Variants in PTPRN2 observed in about 807,000 individuals in gnomAD.
The protein encoded by PTPRN2 is receptor-type tyrosine-protein phosphatase N2.
In PTPRN2, 74 loss-of-function variants were observed where a neutral mutation model predicts 118.8. The observed-to-expected ratio is 0.62, with a 90% CI of 0.52 to 0.76. The LOEUF (loss-of-function observed/expected upper bound fraction) is 0.76. PTPRN2 is among the 30% of genes least tolerant of loss of function. The pLI is 0.00. For synonymous variants in PTPRN2, 641 were observed against 608.0 expected (o/e 1.05, Z -0.80); for missense variants, 1,481 against 1,394.4 (o/e 1.06, Z -0.99).
At chr7:157,851,237 G>T (rs1420321225) in intron 12 of PTPRN2, among the ~76,000 whole-genome samples, 1 of 152,224 alleles carries the variant, frequency 6.6e-6, no homozygotes, top group Non-Finnish European at 1.5e-5. Flanking sequence ...TAGAGTGGCG[G>T]TTAATGCTTA....
chr7:157,817,465 GT>G (rs1178742296), intron 12 of PTPRN2, among the ~76,000 whole-genome samples: 1 of 152,140 alleles, frequency 6.6e-6, no homozygotes, highest in Non-Finnish European at 1.5e-5. Flanking sequence ...CAGGCAGATG[GT>G]GCCACTGCCG....
rs28707739 is a variant in PTPRN2 at position 158,398,364 on chromosome 7, G to A, written c.164-81432C>T. The stretch of plus-strand genomic sequence containing the variant: ...TGCTGGCCTTGCCACAGGCAATGCC[G>A]AGGGCAGCTGCCTCATCCTCCCCCA... On this transcript the variant is annotated intron_variant, in intron 2 of 22. Coordinates refer to ENST00000389418, the MANE Select transcript of PTPRN2 (RefSeq NM_002847.5). Among the ~76,000 whole-genome samples the A allele has an allele frequency of 5.9e-3, 904 of 152,282 alleles. 5 individuals carry two copies. Among genetic ancestry groups the A allele is most frequent in the African/African-American group, 0.017 (695 of 41,548 alleles).
intron 21 of PTPRN2, among the ~76,000 whole-genome samples, chr7:157,558,178 CG>C (rs1799004687): frequency 6.6e-6 from 1 of 152,012 alleles, no homozygotes; most frequent in African/African-American, 2.4e-5. Context: ...TGGTGCGACG[CG>C]GTGCCCACCG....
At chr7:158,339,930 A>T (rs372436076) in intron 2 of PTPRN2, among the ~76,000 whole-genome samples, 2,165 of 101,416 alleles carry the variant, frequency 0.021, no homozygotes, top group African/African-American at 0.087. Flanking sequence ...CACTCTCACC[A>T]TAAGAGCTGT....
chr7:157,720,908 T>C (rs1799197423), intron 12 of PTPRN2, among the ~76,000 whole-genome samples: 1 of 152,108 alleles, frequency 6.6e-6, no homozygotes, highest in Non-Finnish European at 1.5e-5. Flanking sequence ...GTTTCTTAAG[T>C]GTGACAAGGT....
intron 2 of PTPRN2, among the ~76,000 whole-genome samples, chr7:158,431,915 C>G (rs1173036159): frequency 6.6e-6 from 1 of 152,276 alleles, no homozygotes; most frequent in Non-Finnish European, 1.5e-5. Flanking sequence ...TCGTCCCTCT[C>G]TCTGACCTGC....
chr7:158,514,966 G>A (rs370344282), intron 1 of PTPRN2, among the ~76,000 whole-genome samples: 3 of 152,160 alleles, frequency 2.0e-5, no homozygotes, highest in Admixed American at 1.3e-4. Context: ...AAAATCATCT[G>A]AAGAAGAGGA....
intron 2 of PTPRN2, among the ~76,000 whole-genome samples, chr7:158,456,513 C>G (rs1818515863): frequency 6.6e-6 from 1 of 151,046 alleles, no homozygotes; most frequent in African/African-American, 2.4e-5. Flanking sequence ...GGCACGGATG[C>G]CATCGGCCAT....
intron 2 of PTPRN2, among the ~76,000 whole-genome samples, chr7:158,366,693 CTTGTCCTAAGGACA>C (rs1809556233): frequency 6.6e-6 from 1 of 152,108 alleles, no homozygotes; most frequent in Non-Finnish European, 1.5e-5. Context: ...TTTGCTGGGA[CTTGTCCTAAGGACA>C]TTTTCAATTT....
At chr7:158,149,614 C>T (rs1469908865) in intron 6 of PTPRN2, among the ~76,000 whole-genome samples, 1 of 152,036 alleles carries the variant, frequency 6.6e-6, no homozygotes, top group Non-Finnish European at 1.5e-5. Flanking sequence ...ACCAGCCTGG[C>T]CAACATGGTG....
At chr7:158,128,510 A>G (rs1817882060) in intron 9 of PTPRN2, among the ~76,000 whole-genome samples, 1 of 152,168 alleles carries the variant, frequency 6.6e-6, no homozygotes, top group African/African-American at 2.4e-5. Context: ...CTCGAATGCA[A>G]AGAAAAGCCC....
chr7:157,577,840 G>C (rs961562470), intron 18 of PTPRN2, among the ~76,000 whole-genome samples, 181 bp downstream of exon 18: 2 of 151,818 alleles, frequency 1.3e-5, no homozygotes, highest in African/African-American at 2.4e-5. Flanking sequence ...CATGGGGTGC[G>C]CTGAGCCTCC....
At chr7:158,475,495 C>A (rs1820187874) in intron 2 of PTPRN2, among the ~76,000 whole-genome samples, 1 of 152,150 alleles carries the variant, frequency 6.6e-6, no homozygotes, top group Non-Finnish European at 1.5e-5. Context: ...GCACCAGGGA[C>A]AATCACCAAG....
intron 12 of PTPRN2, among the ~76,000 whole-genome samples, chr7:157,872,319 C>T (rs1182327935): frequency 6.8e-6 from 1 of 147,702 alleles, no homozygotes; most frequent in Non-Finnish European, 1.5e-5. Flanking sequence ...AGTGTCCTCC[C>T]CACACACCCA....
intron 11 of PTPRN2, among the ~76,000 whole-genome samples, chr7:157,948,815 A>C (rs1257460668): frequency 6.6e-6 from 1 of 152,196 alleles, no homozygotes; most frequent in Non-Finnish European, 1.5e-5. Context: ...ATATTTTTGG[A>C]TTATGGAAGC....
At chr7:158,258,127 G>T (rs910577260) in intron 3 of PTPRN2, among the ~76,000 whole-genome samples, 12 of 152,220 alleles carry the variant, frequency 7.9e-5, no homozygotes, top group Non-Finnish European at 1.3e-4. Flanking sequence ...AAGCGGGCAC[G>T]TAAGAACAGC....
intron 2 of PTPRN2, among the ~76,000 whole-genome samples, chr7:158,412,249 T>C (rs1308693683): frequency 1.8e-5 from 1 of 54,276 alleles, no homozygotes; most frequent in Non-Finnish European, 3.4e-5. Flanking sequence ...AGGGCCCATC[T>C]CAGCACCCTC....
At chr7:158,474,217 A>G (rs1820077182) in intron 2 of PTPRN2, among the ~76,000 whole-genome samples, 1 of 152,196 alleles carries the variant, frequency 6.6e-6, no homozygotes, top group Non-Finnish European at 1.5e-5. Flanking sequence ...AGGACTCCAC[A>G]TTCAAAACTT....
intron 12 of PTPRN2, among the ~76,000 whole-genome samples, chr7:157,844,233 C>T (rs1205405918): frequency 6.6e-6 from 1 of 152,204 alleles, no homozygotes; most frequent in Non-Finnish European, 1.5e-5. Flanking sequence ...GGAAAGGGAA[C>T]AGGAGGGACT....
Sources: allele counts gnomAD v4.1 joint callset (sites outside exome capture counted in the v4.1 genomes callset), GRCh38; gene constraint gnomAD v4.1.1; transcripts MANE v1.5; gene names NCBI Gene and HGNC (gene_info 2026-07-23, HGNC 2026-07-21).